Variants in KRT36 observed in about 807,000 individuals in gnomAD.
KRT36 encodes the protein keratin, type I cuticular Ha6.
In KRT36, 41 loss-of-function variants were observed where a neutral mutation model predicts 43.0. The observed-to-expected ratio is 0.95, with a 90% CI of 0.74 to 1.24. The LOEUF is 1.24. Ranked by LOEUF, KRT36 falls within the 50% of genes most tolerant of loss-of-function variation. The probability of loss-of-function intolerance (pLI) is 0.00; values close to 1 mark genes in which losing one functional copy is unlikely to be tolerated. For missense variants in KRT36, 627 were observed against 595.3 expected (o/e 1.05, Z -0.55); for synonymous variants, 277 against 252.9 (o/e 1.10, Z -0.90).
chr17:41,486,354 C>T lies in KRT36; in HGVS notation c.*22G>A. 1 of 1,609,782 alleles carries T rather than the reference C, an allele frequency of 6.2e-7. No homozygotes were observed. Among genetic ancestry groups the T allele is most frequent in the Non-Finnish European group, 8.5e-7 (1 of 1,177,624 alleles). On this transcript the variant is annotated 3_prime_UTR_variant, in exon 7 of 7. Coordinates refer to ENST00000328119, the MANE Select transcript of KRT36 (RefSeq NM_003771.5). ...CCTCCTTCCTGTGGTCAGGGCCCTG[C>T]CCTGGTGGACCAAGTGGGCTGTCAC...
intron 2 of KRT36, 41 bp downstream of exon 2, chr17:41,488,601 G>C: frequency 6.3e-7 from 1 of 1,592,616 alleles, no homozygotes; most frequent in Non-Finnish European, 8.6e-7. Context: ...ACAGAGGCAA[G>C]GGAGTGGCAT....
chr17:41,488,358 T>TC lies in KRT36; in HGVS notation c.583dup (p.Asp195GlyfsTer7), dbSNP rs756088011. 3 of 1,614,140 alleles carry TC rather than the reference T, an allele frequency of 1.9e-6. No individual in the cohort carries two copies. The South Asian group carries it at 3.3e-5, about 18-fold the overall frequency. ...CAGGATCCTACGCAGGCCGTTGATG[T>TC]CGGCCTCCACTAGCTGCCGCAGAGA... On this transcript the variant is annotated frameshift_variant, in exon 3 of 7. Coordinates refer to ENST00000328119, the MANE Select transcript of KRT36 (RefSeq NM_003771.5). LOFTEE classifies it high-confidence loss of function.
rs754467827 is a variant in KRT36 at position 41,487,673 on chromosome 17, G to T, written c.764C>A (p.Pro255Gln). The T allele has an allele frequency of 2.7e-5, 43 of 1,614,014 alleles. No homozygotes were observed. The highest frequency in any genetic ancestry group is 3.4e-5 in the Non-Finnish European group (40 of 1,179,990). The change falls in exon 4 of 7, where the codon CCA becomes CAA. Residue 255 changes from proline to glutamine, a missense_variant. Physicochemically the swap from Pro to Gln is moderately conservative, Grantham distance 76 (BLOSUM62 -1). Transcript: ENST00000328119. ...CTCCAGGATCTTGTTGAGATCCACTGGGGGAGCAGCGTCCACCTCCACATT... is the reference window on the plus strand; with the variant it reads ...CTCCAGGATCTTGTTGAGATCCACTTGGGGAGCAGCGTCCACCTCCACATT... ...RLNVEVDAAP[P>Q]VDLNKILEDM... is the part of the protein sequence containing the mutation.
chr17:41,486,300 C>G lies in KRT36; in HGVS notation c.*76G>C. 1 of 1,280,400 alleles carries G rather than the reference C, an allele frequency of 7.8e-7. No individual in the cohort carries two copies. The highest frequency in any genetic ancestry group is 1.1e-6 in the Non-Finnish European group (1 of 900,890). 79.3% of individuals were successfully genotyped at this position (1,280,400 alleles called of 1,614,324 possible). On this transcript the variant is annotated 3_prime_UTR_variant, in exon 7 of 7. Coordinates refer to ENST00000328119, the MANE Select transcript of KRT36 (RefSeq NM_003771.5). ...GGACCCCTCTAGAGAAGGGCAGGGTCGTTAAGCCTCCAGGAGCCACAGGGG... is the reference window on the plus strand; with the variant it reads ...GGACCCCTCTAGAGAAGGGCAGGGTGGTTAAGCCTCCAGGAGCCACAGGGG...
In KRT36 at chr17:41,488,653, G is replaced by T. The variant is rs1262022091; in HGVS notation, c.531C>A (p.Asp177Glu). Residue 177 changes from aspartate to glutamate, a missense_variant, in exon 2 of 7, where the codon GAC (aspartate) becomes GAA (glutamate). Physicochemically the swap from Asp to Glu is conservative, Grantham distance 45 (BLOSUM62 2). Coordinates refer to ENST00000328119, the MANE Select transcript of KRT36 (RefSeq NM_003771.5). ...TCAGGCCCACTCACTTGGTCCGGAAGTCGTCAGCAGCCAGCTTGGCATTAT... is the reference window on the plus strand; with the variant it reads ...TCAGGCCCACTCACTTGGTCCGGAATTCGTCAGCAGCCAGCTTGGCATTAT... ...QIDNAKLAAD[D>E]FRTKYETELS... 1.2e-6 allele frequency: 2 copies of T among 1,614,138 alleles called. No homozygotes were observed. Among genetic ancestry groups the T allele is most frequent in the East Asian group, 2.2e-5 (1 of 44,868 alleles).
chr17:41,486,575 A>T lies in KRT36; in HGVS notation c.1209-4T>A. ...GGCACAAGGTTGGGGAGGAAGCCTG[A>T]GGAAACAAAATCATGCAGGGTGCAT... On this transcript the variant is annotated splice_region_variant and splice_polypyrimidine_tract_variant and intron_variant, in intron 6 of 6. Coordinates refer to ENST00000328119, the MANE Select transcript of KRT36 (RefSeq NM_003771.5). The T allele has an allele frequency of 6.4e-7, 1 of 1,552,112 alleles. No individual in the cohort carries two copies. Among genetic ancestry groups the T allele is most frequent in the Non-Finnish European group, 8.7e-7 (1 of 1,150,432 alleles).
In KRT36 at chr17:41,488,636, A is replaced by C; in HGVS notation, c.542+6T>G. 6.2e-7 allele frequency: 1 copy of C among 1,613,766 alleles called. No homozygotes were observed. Among genetic ancestry groups the C allele is most frequent in the Non-Finnish European group, 8.5e-7 (1 of 1,179,714 alleles). ...TGGCAAACCTTCCCTGATCAGGCCC[A>C]CTCACTTGGTCCGGAAGTCGTCAGC... On this transcript the variant is annotated splice_donor_region_variant and intron_variant, in intron 2 of 6. Transcript: ENST00000328119.
rs2144484752 is a variant in KRT36 at position 41,486,322 on chromosome 17, G to A, written c.*54C>T. 1 of 1,524,298 alleles carries A rather than the reference G, an allele frequency of 6.6e-7. No homozygotes were observed. The highest frequency in any genetic ancestry group is 9.0e-7 in the Non-Finnish European group (1 of 1,106,862). 94.4% of individuals were successfully genotyped at this position (1,524,298 alleles called of 1,614,324 possible). A position where few individuals can be genotyped will look rare whatever the true frequency, so the allele number is the denominator to read the frequency against. ...GGTCGTTAAGCCTCCAGGAGCCACA[G>A]GGGTGTCCTCCTTCCTGTGGTCAGG... On this transcript the variant is annotated 3_prime_UTR_variant, in exon 7 of 7. Transcript: ENST00000328119.
At chr17:41,486,881 TG>T in intron 6 of KRT36, 68 bp downstream of exon 6, 1 of 1,421,128 alleles carries the variant, frequency 7.0e-7, no homozygotes, top group Non-Finnish European at 9.7e-7. Context: ...CAACCACTTC[TG>T]GGCTTGACGC....
intron 1 of KRT36, 55 bp from the exon 2 acceptor site, chr17:41,488,779 G>A: frequency 6.9e-7 from 1 of 1,439,958 alleles, no homozygotes; most frequent in Non-Finnish European, 9.8e-7. Flanking sequence ...TGTGGGGGCA[G>A]GTAGGGGGAT....
rs1015697799 is a variant in KRT36 at position 41,487,636 on chromosome 17, G to A, written c.801C>T (p.Cys267=). 5.0e-6 allele frequency: 8 copies of A among 1,614,046 alleles called. No homozygotes were observed. The African/African-American group carries it at 8.0e-5, about 16-fold the overall frequency. The part of the protein sequence containing the change: ...DLNKILEDMR[C]QYEALVENNR... ...TATTCTCCACCAGGGCCTCGTACTG[G>A]CATCTCATATCCTCCAGGATCTTGT... Residue 267 remains cysteine, a synonymous_variant, in exon 4 of 7, where the codon TGC becomes TGT. Coordinates refer to ENST00000328119, the MANE Select transcript of KRT36 (RefSeq NM_003771.5).
Position 41,488,407 on chromosome 17 carries a change from C to T in KRT36, c.543-8G>A, listed in dbSNP as rs1311043374. On this transcript the variant is annotated splice_region_variant and splice_polypyrimidine_tract_variant and intron_variant, in intron 2 of 6. Coordinates refer to ENST00000328119, the MANE Select transcript of KRT36 (RefSeq NM_003771.5). ...GACAGCTCTGTCTCATACCTGCACA[C>T]ACAGAACCCTGCCAAGTCTGCAGCA... 5 of 1,612,300 alleles carry T rather than the reference C, an allele frequency of 3.1e-6. No homozygotes were observed. The highest frequency in any genetic ancestry group is 4.2e-6 in the Non-Finnish European group (5 of 1,178,696).
In KRT36 at chr17:41,489,587, T is replaced by A. The variant is rs369553242; in HGVS notation, c.278A>T (p.Glu93Val). ...GTTCAGGAACTGCATAGTCTCCTTCTCGCTGCCGTTGAAGGAGCCCTCGCA... is the reference window on the plus strand; with the variant it reads ...GTTCAGGAACTGCATAGTCTCCTTCACGCTGCCGTTGAAGGAGCCCTCGCA... ...WFCEGSFNGS[E>V]KETMQFLNDR... Residue 93 changes from glutamate (E) to valine (V), a missense_variant, in exon 1 of 7, where the codon GAG becomes GTG. Glu to Val is a moderately radical substitution (Grantham distance 121, BLOSUM62 -2). Coordinates refer to ENST00000328119, the MANE Select transcript of KRT36 (RefSeq NM_003771.5). 1 of 1,614,188 alleles carries A rather than the reference T, an allele frequency of 6.2e-7. No homozygotes were observed. Among genetic ancestry groups the A allele is most frequent in the Non-Finnish European group, 8.5e-7 (1 of 1,180,042 alleles).
rs531137215 is a variant in KRT36, at chr17:41,488,359, C to T, written c.583G>A (p.Asp195Asn). 21 of 1,614,196 alleles carry T rather than the reference C, an allele frequency of 1.3e-5. No individual in the cohort carries two copies. Among genetic ancestry groups the T allele is most frequent in the South Asian group, 4.4e-5 (4 of 91,086 alleles). ...ELSLRQLVEA[D>N]INGLRRILDE... ...AGGATCCTACGCAGGCCGTTGATGT[C>T]GGCCTCCACTAGCTGCCGCAGAGAC... Residue 195 changes from aspartate (D) to asparagine (N), a missense_variant, in exon 3 of 7, where the codon GAC becomes AAC. Transcript: ENST00000328119.
intron 5 of KRT36, 67 bp downstream of exon 5, chr17:41,487,284 C>G (rs61523108): frequency 6.3e-7 from 1 of 1,581,840 alleles, no homozygotes; most frequent in African/African-American, 1.3e-5. Context: ...AGAGCCTGCA[C>G]GCTGAGGCTG....
Position 41,486,381 on chromosome 17 carries a change from G to A in KRT36, c.1399C>T (p.Leu467=), listed in dbSNP as rs754469844. The change falls in exon 7 of 7, where the codon CTG becomes TTG. Residue 467 remains leucine (L), a synonymous_variant. Transcript: ENST00000328119. The stretch of plus-strand genomic sequence containing the variant: ...CTGGTGGACCAAGTGGGCTGTCACA[G>A]CGGGCGGGACTGCACGTGCTCCCTG... The part of the protein sequence containing the change: ...SSREHVQSRP[L] 6.2e-7 allele frequency: 1 copy of A among 1,613,566 alleles called. No individual in the cohort carries two copies. The highest frequency in any genetic ancestry group is 1.3e-5 in the African/African-American group (1 of 75,036).
rs2144485158 is a variant in KRT36, at chr17:41,486,512, G to T, written c.1268C>A (p.Pro423His). The change falls in exon 7 of 7, where the codon CCC becomes CAC. Residue 423 changes from proline to histidine, a missense_variant. Pro to His is a moderately conservative substitution (Grantham distance 77, BLOSUM62 -2). Coordinates refer to ENST00000328119, the MANE Select transcript of KRT36 (RefSeq NM_003771.5). ...CKPVIRVPSV[P>H]PVPCVPSVPC... ...CACAGAGGGGACACAGGGCACCGGG[G>T]GGACAGAAGGAACTCTAATAACAGG... 1 of 1,609,186 alleles carries T rather than the reference G, an allele frequency of 6.2e-7. No homozygotes were observed.
Position 41,489,685 on chromosome 17 carries a change from C to T in KRT36, c.180G>A (p.Gly60=), listed in dbSNP as rs1567710033. 1 of 1,614,134 alleles carries T rather than the reference C, an allele frequency of 6.2e-7. No homozygotes were observed. Among genetic ancestry groups the T allele is most frequent in the African/African-American group, 1.3e-5 (1 of 75,010 alleles). The stretch of plus-strand genomic sequence containing the variant: ...ACAGGTAGGAGCCAGGCAAGCAGCT[C>T]CCAAGGCCAGAGAGGCCCGACCTAG... ...SSARSGLSGL[G]SCLPGSYLSS... The change falls in exon 1 of 7, where the codon GGG becomes GGA. Residue 60 remains glycine, a synonymous_variant. Transcript: ENST00000328119.
At chr17:41,487,759 G>T in intron 3 of KRT36, 22 bp from the exon 4 acceptor site, 5 of 1,583,668 alleles carry the variant, frequency 3.2e-6, no homozygotes, top group Non-Finnish European at 4.3e-6. Flanking sequence ...AGGCAAGACG[G>T]CATGAGGTTG....
Sources: gnomAD v4.1 joint callset for allele counts on GRCh38, gnomAD v4.1.1 for gene constraint, MANE v1.5 for transcripts, NCBI Gene and HGNC (gene_info 2026-07-23, HGNC 2026-07-21) for gene names.